Variants in DYNC1LI1 observed in about 807,000 individuals in gnomAD.
The protein encoded by DYNC1LI1 is cytoplasmic dynein 1 light intermediate chain 1.
DYNC1LI1 carries 19 observed loss-of-function variants against 63.8 expected under a neutral mutation model. The ratio of observed to expected loss-of-function variants is 0.30; its 90% confidence interval spans 0.21 to 0.44. The LOEUF (loss-of-function observed/expected upper bound fraction) is 0.44. DYNC1LI1 is among the 20% of genes least tolerant of loss of function. DYNC1LI1 has a pLI of 1.00. For missense variants in DYNC1LI1, 565 were observed against 630.2 expected (o/e 0.90, Z 1.11); for synonymous variants, 225 against 232.3 (o/e 0.97, Z 0.28).
chr3:32,541,276 A>G (rs1697878735), intron 4 of DYNC1LI1, 70 bp from the exon 5 acceptor site: 2 of 1,065,474 alleles, frequency 1.9e-6, no homozygotes, highest in South Asian at 1.7e-5. Context: ...GCCATAATCT[A>G]AAGATAAAAT....
At chr3:32,566,536 T>C (rs188536243) in intron 2 of DYNC1LI1, 31 of 216,752 alleles carry the variant, frequency 1.4e-4, no homozygotes, top group African/African-American at 6.9e-4. Context: ...AGGTCAGGAG[T>C]TCGAGACCAG....
chr3:32,568,918 T>C (rs1394938248), intron 2 of DYNC1LI1, among the ~76,000 whole-genome samples: 5 of 152,192 alleles, frequency 3.3e-5, no homozygotes, highest in African/African-American at 1.2e-4. Context: ...ACAATTTTTT[T>C]TTGCTTTTGG....
At chr3:32,538,020 TAA>T (rs1426103469) in intron 5 of DYNC1LI1, among the ~76,000 whole-genome samples, 5 of 25,658 alleles carry the variant, frequency 1.9e-4, no homozygotes, top group Non-Finnish European at 2.8e-4. Context: ...TATATATATA[TAA>T]TTTATATATA....
intron 2 of DYNC1LI1, among the ~76,000 whole-genome samples, chr3:32,555,547 G>A (rs1698103734): frequency 6.6e-6 from 1 of 151,994 alleles, no homozygotes; most frequent in Non-Finnish European, 1.5e-5. Flanking sequence ...ATGTCTTTAG[G>A]CACAAAACTT....
chr3:32,570,358 C>T lies in DYNC1LI1; in HGVS notation c.208G>A (p.Val70Met). The T allele has an allele frequency of 6.3e-7, 1 of 1,593,308 alleles. No homozygotes were observed. Among genetic ancestry groups the T allele is most frequent in the Non-Finnish European group, 8.6e-7 (1 of 1,168,158 alleles). Reference sequence around the variant, plus strand: ...AGGGAACACTTACCCAGCAGTAGCACGTTCTTCCCCGCAGGGAGCTTGGAG... The same window carrying T: ...AGGGAACACTTACCCAGCAGTAGCATGTTCTTCCCCGCAGGGAGCTTGGAG... The part of the protein sequence containing the change: ...SRSKLPAGKN[V>M]LLLGEDGAGK... Residue 70 changes from valine to methionine, a missense_variant, in exon 2 of 13, where the codon GTG (valine) becomes ATG (methionine). Coordinates refer to ENST00000273130, the MANE Select transcript of DYNC1LI1 (RefSeq NM_016141.4).
At chr3:32,530,686 A>G (rs1697684014) in intron 8 of DYNC1LI1, 166 bp from the exon 9 acceptor site, 2 of 605,834 alleles carry the variant, frequency 3.3e-6, no homozygotes, top group Non-Finnish European at 5.8e-6. Context: ...GGCCTTCAGC[A>G]GAGGTGTCCA....
At chr3:32,562,258 C>T (rs1024103584) in intron 2 of DYNC1LI1, among the ~76,000 whole-genome samples, 3 of 152,172 alleles carry the variant, frequency 2.0e-5, no homozygotes, top group Non-Finnish European at 4.4e-5. Flanking sequence ...GCAAGACTTT[C>T]TCTCTAAAAC....
chr3:32,541,789 G>A (rs975747554), intron 4 of DYNC1LI1, among the ~76,000 whole-genome samples: 1 of 152,196 alleles, frequency 6.6e-6, no homozygotes, highest in East Asian at 1.9e-4. Flanking sequence ...AAATGTGAAT[G>A]TATCAAGAGA....
At chr3:32,556,230 G>T (rs1698112964) in intron 2 of DYNC1LI1, among the ~76,000 whole-genome samples, 1 of 152,102 alleles carries the variant, frequency 6.6e-6, no homozygotes, top group South Asian at 2.1e-4. Context: ...CTGGTCTCTA[G>T]GAAGCTTTCT....
rs1697649924 is a variant in DYNC1LI1, at chr3:32,528,318, T to G, written c.1462+128A>C. The G allele has an allele frequency of 5.3e-6, 5 of 946,748 alleles. No homozygotes were observed. In the African/African-American group the frequency reaches 8.3e-5, roughly 16 times the overall value. 58.6% of individuals were successfully genotyped at this position (946,748 alleles called of 1,614,324 possible). A position where few individuals can be genotyped will look rare whatever the true frequency, so the allele number is the denominator to read the frequency against. On this transcript the variant is annotated intron_variant, in intron 12 of 12. Transcript: ENST00000273130. ...ATAAAAATGTTCTAAAATCAGATTA[T>G]GGTGATGGCCTGCCCAACTTAGCAA...
chr3:32,570,698 G>A lies in DYNC1LI1; in HGVS notation c.73C>T (p.Pro25Ser), dbSNP rs776417110. 2.5e-6 allele frequency: 4 copies of A among 1,609,154 alleles called. No homozygotes were observed. The South Asian group carries it at 4.4e-5, about 18-fold the overall frequency. Residue 25 changes from proline to serine, a missense_variant, in exon 1 of 13, where the codon CCC becomes TCC. By Grantham distance (74) the Pro-to-Ser change is moderately conservative. Coordinates refer to ENST00000273130, the MANE Select transcript of DYNC1LI1 (RefSeq NM_016141.4). Reference sequence around the variant, plus strand: ...CCCGACGCTATCTCGTTGCCCAAGGGGCCGCCAGTGTAAGTCGAGGATAAT... The same window carrying A: ...CCCGACGCTATCTCGTTGCCCAAGGAGCCGCCAGTGTAAGTCGAGGATAAT... ...PGLSSTYTGGPLGNEIASGNG... is the reference protein window; with the variant it reads ...PGLSSTYTGGSLGNEIASGNG...
At chr3:32,570,291 G>A in intron 2 of DYNC1LI1, 55 bp downstream of exon 2, 1 of 1,431,778 alleles carries the variant, frequency 7.0e-7, no homozygotes. Context: ...CCGCGGACCA[G>A]GTACCCCGGG....
chr3:32,564,468 T>G (rs182333895), intron 2 of DYNC1LI1, among the ~76,000 whole-genome samples: 2 of 152,230 alleles, frequency 1.3e-5, no homozygotes, highest in South Asian at 4.1e-4. Flanking sequence ...CATGGCTGTT[T>G]TGGAACTACA....
intron 2 of DYNC1LI1, among the ~76,000 whole-genome samples, chr3:32,564,951 T>C (rs1164777547): frequency 2.0e-5 from 3 of 152,156 alleles, no homozygotes; most frequent in Admixed American, 6.6e-5. Flanking sequence ...TTTCCTACAA[T>C]AGCTCAAGCA....
At chr3:32,539,078 T>C (rs1310087599) in intron 5 of DYNC1LI1, among the ~76,000 whole-genome samples, 1 of 152,112 alleles carries the variant, frequency 6.6e-6, no homozygotes, top group Non-Finnish European at 1.5e-5. Flanking sequence ...ACGGAACCAA[T>C]GGAACCAACT....
In DYNC1LI1 at chr3:32,534,708, T is replaced by C. The variant is rs1697751696; in HGVS notation, c.833-62A>G. ...GTCATGAGCAAATACCATAAAATTC[T>C]GTGTTTTCAGCTTAACTTTTATTTC... On this transcript the variant is annotated intron_variant, in intron 6 of 12. Transcript: ENST00000273130. 1.5e-6 allele frequency: 2 copies of C among 1,337,648 alleles called. 1 individual carries two copies. Among genetic ancestry groups the C allele is most frequent in the South Asian group, 3.5e-5 (2 of 56,418 alleles). The allele number at this position is 1,337,648 out of a possible 1,614,324, so 82.9% of individuals were successfully genotyped here. A position where few individuals can be genotyped will look rare whatever the true frequency, so the allele number is the denominator to read the frequency against.
chr3:32,559,051 A>G (rs1698154152), intron 2 of DYNC1LI1, among the ~76,000 whole-genome samples: 2 of 147,254 alleles, frequency 1.4e-5, no homozygotes, highest in South Asian at 4.2e-4. Flanking sequence ...ATCATCCATT[A>G]CTACTACTTT....
chr3:32,560,726 G>A lies in DYNC1LI1; in HGVS notation c.220+9620C>T, dbSNP rs146531145. On this transcript the variant is annotated intron_variant, in intron 2 of 12. Coordinates refer to ENST00000273130, the MANE Select transcript of DYNC1LI1 (RefSeq NM_016141.4). ...AATTAAAAATAACATTTAGTTGGCC[G>A]GGCACAGTGGCTCATGCCTGTAATC... Among the ~76,000 whole-genome samples, 1,392 of 151,874 alleles carry A rather than the reference G, an allele frequency of 9.2e-3. 30 individuals carry two copies. Among genetic ancestry groups the A allele is most frequent in the African/African-American group, 0.032 (1,313 of 41,446 alleles).
intron 8 of DYNC1LI1, 139 bp from the exon 9 acceptor site, chr3:32,530,659 T>A: frequency 1.4e-6 from 1 of 736,718 alleles, no homozygotes; most frequent in Non-Finnish European, 2.2e-6. Context: ...TTCACATGCG[T>A]GAGCTGCCCT....
Sources: allele counts gnomAD v4.1 joint callset (sites outside exome capture counted in the v4.1 genomes callset), GRCh38; gene constraint gnomAD v4.1.1; transcripts MANE v1.5; gene names NCBI Gene and HGNC (gene_info 2026-07-23, HGNC 2026-07-21).